PPARGC1B: variants seen among roughly 807,000 people sequenced by gnomAD.
PPARGC1B encodes the protein PPARG coactivator 1 beta.
A neutral mutation model predicts 101.6 loss-of-function variants in PPARGC1B; 34 were observed. The observed-to-expected ratio is 0.33, with a 90% CI of 0.25 to 0.45. The LOEUF (loss-of-function observed/expected upper bound fraction) is 0.45, where lower values mean the gene tolerates loss of function less well. Ranked by LOEUF, PPARGC1B falls within the 20% of genes least tolerant of loss-of-function variation. The pLI is 1.00. For synonymous variants in PPARGC1B, 548 were observed against 539.3 expected, an observed-to-expected ratio of 1.02 and a Z score of -0.22; for missense variants, 1,234 against 1,317.6, an observed-to-expected ratio of 0.94 and a Z score of 0.98.
Position 149,833,770 on chromosome 5 carries a change from C to T in PPARGC1B, c.1697C>T (p.Pro566Leu). Residue 566 changes from proline to leucine, a missense_variant, in exon 5 of 12, where the codon CCT (proline) becomes CTT (leucine). Pro to Leu is a moderately conservative substitution (Grantham distance 98). Transcript: ENST00000309241. The surrounding 1 kb of genome is among the most constrained non-coding windows in gnomAD (Gnocchi z 4.1). ...MDEDPSCPQL[P>L]PRDSPRCLML... ...GAGGACCCCAGCTGCCCGCAGCTCC[C>T]TCCCAGAGGTAGTCAGAGTTGGTGG... 2.6e-6 allele frequency: 4 copies of T among 1,523,754 alleles called. No individual in the cohort carries two copies. Among genetic ancestry groups the T allele is most frequent in the Non-Finnish European group, 3.5e-6 (4 of 1,140,608 alleles). The allele number at this position is 1,523,754 out of a possible 1,614,324, so 94.4% of individuals were successfully genotyped here. A position where few individuals can be genotyped will look rare whatever the true frequency, so the allele number is the denominator to read the frequency against.
intron 3 of PPARGC1B, among the ~76,000 whole-genome samples, chr5:149,828,691 T>C (rs1418220782): frequency 2.6e-5 from 4 of 152,232 alleles, no homozygotes; most frequent in Non-Finnish European, 5.9e-5. Context: ...TCAGCCATTG[T>C]GCAAGGCACA....
rs975973035 is a variant in PPARGC1B, at chr5:149,849,250, A to G, written c.*1692A>G. The G allele has an allele frequency of 1.3e-5, 2 of 152,386 alleles. No individual in the cohort carries two copies. Among genetic ancestry groups the G allele is most frequent in the African/African-American group, 4.8e-5 (2 of 41,596 alleles). The allele number at this position is 152,386 out of a possible 1,614,324, so 9.4% of individuals were successfully genotyped here. On this transcript the variant is annotated 3_prime_UTR_variant, in exon 12 of 12. Coordinates refer to ENST00000309241, the MANE Select transcript of PPARGC1B (RefSeq NM_133263.4). The stretch of plus-strand genomic sequence containing the variant: ...ATACCTCAGTAGGTAAAATGAGCCC[A>G]TGATCTTCCACTGAGTGGTGAGCAT...
intron 2 of PPARGC1B, among the ~76,000 whole-genome samples, chr5:149,824,836 T>C (rs149152057): frequency 2.4e-4 from 36 of 152,320 alleles, no homozygotes; most frequent in African/African-American, 8.4e-4. Context: ...CAAAATCTTC[T>C]TTTGACCTTT....
At chr5:149,826,601 A>G in intron 2 of PPARGC1B, 72 bp from the exon 3 acceptor site, 4 of 1,209,732 alleles carry the variant, frequency 3.3e-6, no homozygotes, top group Non-Finnish European at 4.8e-6. Flanking sequence ...TCCACCGTGG[A>G]GACTGAGTCT....
Position 149,788,518 on chromosome 5 carries a change from C to T in PPARGC1B, c.79-31915C>T, listed in dbSNP as rs187532160. Among the ~76,000 whole-genome samples, 518 of 152,222 alleles carry T rather than the reference C, an allele frequency of 3.4e-3. 5 individuals are homozygous for T. The highest frequency in any genetic ancestry group is 4.3e-3 in the Non-Finnish European group (292 of 68,012). Reference sequence around the variant, plus strand: ...TTAACCGTTGTGGAAGACAGTGTGGCGATTCCTTAAGGATCTAGAACTAGA... The same window carrying T: ...TTAACCGTTGTGGAAGACAGTGTGGTGATTCCTTAAGGATCTAGAACTAGA... On this transcript the variant is annotated intron_variant, in intron 1 of 11. Transcript: ENST00000309241.
intron 1 of PPARGC1B, among the ~76,000 whole-genome samples, chr5:149,789,871 A>G (rs966516979): frequency 5.3e-5 from 8 of 152,174 alleles, no homozygotes; most frequent in Admixed American, 1.3e-4. Context: ...ATGGAGGTGA[A>G]ATTGGCCTGC....
At chr5:149,738,516 C>A (rs1009040880) in intron 1 of PPARGC1B, among the ~76,000 whole-genome samples, 2 of 152,146 alleles carry the variant, frequency 1.3e-5, no homozygotes, top group Non-Finnish European at 2.9e-5. Context: ...CTGGAATGTC[C>A]TCTCCCCGCC....
chr5:149,835,442 G>A lies in PPARGC1B; in HGVS notation c.1807+77G>A, dbSNP rs1581114820. On this transcript the variant is annotated intron_variant, in intron 7 of 11. Coordinates refer to ENST00000309241, the MANE Select transcript of PPARGC1B (RefSeq NM_133263.4). Reference sequence around the variant, plus strand: ...TCTCTGAGTTTTTCATCATGCATGGGCAAGGTGCCACGCAATGAACGATGC... The same window carrying A: ...TCTCTGAGTTTTTCATCATGCATGGACAAGGTGCCACGCAATGAACGATGC... 3.8e-6 allele frequency: 5 copies of A among 1,315,068 alleles called. No individual in the cohort carries two copies. In the East Asian group the frequency reaches 9.2e-5, roughly 24 times the overall value. The allele number at this position is 1,315,068 out of a possible 1,614,324, so 81.5% of individuals were successfully genotyped here. A position where few individuals can be genotyped will look rare whatever the true frequency, so the allele number is the denominator to read the frequency against.
At chr5:149,745,618 G>A (rs945054093) in intron 1 of PPARGC1B, among the ~76,000 whole-genome samples, 8 of 152,156 alleles carry the variant, frequency 5.3e-5, no homozygotes, top group South Asian at 2.1e-4. Flanking sequence ...CAGATCGAAA[G>A]CCTCTTTATA....
intron 1 of PPARGC1B, chr5:149,761,398 T>A (rs1200030806): frequency 1.3e-5 from 2 of 152,084 alleles, no homozygotes; most frequent in African/African-American, 4.8e-5. Context: ...TTGTACTATC[T>A]GACAAACACC....
chr5:149,827,355 G>T (rs1758573374), intron 3 of PPARGC1B, among the ~76,000 whole-genome samples: 1 of 152,202 alleles, frequency 6.6e-6, no homozygotes, highest in Non-Finnish European at 1.5e-5. Context: ...CTACAAAAGG[G>T]AGTCTACATT....
intron 1 of PPARGC1B, among the ~76,000 whole-genome samples, chr5:149,754,104 C>T (rs1756751564): frequency 6.6e-6 from 1 of 152,250 alleles, no homozygotes; most frequent in African/African-American, 2.4e-5. Flanking sequence ...TTCACACCTT[C>T]ACCCACACAG....
chr5:149,730,834 C>T lies in PPARGC1B; in HGVS notation c.78+414C>T, dbSNP rs1345372581. Among the ~76,000 whole-genome samples, 2 of 152,208 alleles carry T rather than the reference C, an allele frequency of 1.3e-5. No individual in the cohort carries two copies. The highest frequency in any genetic ancestry group is 4.8e-5 in the African/African-American group (2 of 41,474). On this transcript the variant is annotated intron_variant, in intron 1 of 11. Coordinates refer to ENST00000309241, the MANE Select transcript of PPARGC1B (RefSeq NM_133263.4). The surrounding 1 kb of genome is among the most constrained non-coding windows in gnomAD (Gnocchi z 4.0). ...CTTTCACGTGGACTTGTGGCCCCGG[C>T]ACGGGTGCATGCCCGGGTCTCCGGA...
chr5:149,783,676 C>T (rs902550688), intron 1 of PPARGC1B, among the ~76,000 whole-genome samples: 1 of 152,134 alleles, frequency 6.6e-6, no homozygotes, highest in African/African-American at 2.4e-5. Context: ...GAGACAGGGT[C>T]CCTCTCCCTC....
At chr5:149,770,397 G>A (rs1756082614) in intron 1 of PPARGC1B, among the ~76,000 whole-genome samples, 1 of 152,146 alleles carries the variant, frequency 6.6e-6, no homozygotes, top group Admixed American at 6.6e-5. Context: ...AGACGTACAG[G>A]ACATCATCGC....
chr5:149,802,082 G>A (rs1013815622), intron 1 of PPARGC1B, among the ~76,000 whole-genome samples: 3 of 152,090 alleles, frequency 2.0e-5, no homozygotes, highest in Non-Finnish European at 2.9e-5. Context: ...TCTGGTTGAC[G>A]GTCCTCTGGA....
In PPARGC1B at chr5:149,756,018, C is replaced by G. The variant is rs1341144756; in HGVS notation, c.78+25598C>G. ...GTCAGGGTTCAAGACCTTGCTCTGC[C>G]CTCGTTTGCTGGTTGTTTGACCTTG... On this transcript the variant is annotated intron_variant, in intron 1 of 11. Coordinates refer to ENST00000309241, the MANE Select transcript of PPARGC1B (RefSeq NM_133263.4). Among the ~76,000 whole-genome samples, 15 of 152,246 alleles carry G rather than the reference C, an allele frequency of 9.9e-5. No homozygotes were observed. The East Asian group carries it at 2.9e-3, about 29-fold the overall frequency.
At chr5:149,765,860 CAAAAAAAAAA>C (rs10712476) in intron 1 of PPARGC1B, among the ~76,000 whole-genome samples, 1 of 88,836 alleles carries the variant, frequency 1.1e-5, no homozygotes, top group Non-Finnish European at 2.2e-5. Flanking sequence ...GACTCCGTCT[CAAAAAAAAAA>C]AAAAAAAAAA....
intron 1 of PPARGC1B, among the ~76,000 whole-genome samples, chr5:149,792,499 C>T (rs930269119): frequency 3.3e-5 from 5 of 152,126 alleles, no homozygotes; most frequent in Admixed American, 2.0e-4. Flanking sequence ...AATTGGAGCT[C>T]AGATTCTTGA....
Sources: gnomAD v4.1 joint callset for allele counts (sites outside exome capture counted in the v4.1 genomes callset) on GRCh38, gnomAD v4.1.1 for gene constraint, Gnocchi (gnomAD v3.1) non-coding constraint, MANE v1.5 for transcripts, NCBI Gene and HGNC (gene_info 2026-07-23, HGNC 2026-07-21) for gene names.